SIN3B: variants seen among roughly 807,000 people sequenced by gnomAD.
SIN3B encodes SIN3 transcription regulator family member B.
Under a neutral mutation model 120.2 loss-of-function variants are expected in SIN3B, and 19 were observed. That is an observed-to-expected ratio of 0.16 (90% CI 0.11 to 0.23). SIN3B has a LOEUF of 0.23. Ranked by LOEUF, SIN3B falls within the 10% of genes least tolerant of loss-of-function variation. The pLI, the probability that SIN3B is intolerant of heterozygous loss-of-function variation, is 1.00. For missense variants in SIN3B, 1,073 were observed against 1,573.0 expected, an observed-to-expected ratio of 0.68 and a Z score of 5.38; for synonymous variants, 654 against 653.2, an observed-to-expected ratio of 1.00 and a Z score of -0.02.
chr19:16,875,782 G>T (rs1251009284), intron 14 of SIN3B: 4 of 494,584 alleles, frequency 8.1e-6, no homozygotes, highest in Non-Finnish European at 1.4e-5. Context: ...GTTTGGTCTG[G>T]TCTGGTCTGG....
intron 14 of SIN3B, among the ~76,000 whole-genome samples, chr19:16,872,900 G>A (rs965616660): frequency 2.0e-5 from 3 of 152,098 alleles, no homozygotes; most frequent in South Asian, 2.1e-4. Flanking sequence ...CCCCGATTCC[G>A]TCCACCTGTC....
chr19:16,853,048 G>A, intron 6 of SIN3B, 21 bp from the exon 7 acceptor site: 2 of 1,608,044 alleles, frequency 1.2e-6, no homozygotes, highest in Non-Finnish European at 1.7e-6. Flanking sequence ...AGTGTTAACT[G>A]CATAGAATTT....
In SIN3B at chr19:16,878,853, C is replaced by T. The variant is rs143946560; in HGVS notation, c.*126C>T. The T allele has an allele frequency of 4.9e-4, 435 of 893,056 alleles. 1 individual carries two copies. The African/African-American group carries it at 6.5e-3, about 13-fold the overall frequency. 55.3% of individuals were successfully genotyped at this position (893,056 alleles called of 1,614,324 possible). On this transcript the variant is annotated 3_prime_UTR_variant, in exon 19 of 19. Coordinates refer to ENST00000248054, the MANE Select transcript of SIN3B (RefSeq NM_001297595.2). ...TCCCAGCCCCTCTGCTGCCGGACAG[C>T]GCACTCCAGGGCAGGACGCCGCCCC...
chr19:16,876,339 G>T lies in SIN3B; in HGVS notation c.2766+111G>T. 1 of 1,414,004 alleles carries T rather than the reference G, an allele frequency of 7.1e-7. No homozygotes were observed. The highest frequency in any genetic ancestry group is 9.6e-7 in the Non-Finnish European group (1 of 1,038,382). 87.6% of individuals were successfully genotyped at this position (1,414,004 alleles called of 1,614,324 possible). ...CAGCGGCTGGGACACCGGCCCTGCTGCAGAGCCCATGAGGTACCTTTGACC... is the reference window on the plus strand; with the variant it reads ...CAGCGGCTGGGACACCGGCCCTGCTTCAGAGCCCATGAGGTACCTTTGACC... On this transcript the variant is annotated intron_variant, in intron 15 of 18. Coordinates refer to ENST00000248054, the MANE Select transcript of SIN3B (RefSeq NM_001297595.2). The surrounding 1 kb of genome is among the most constrained non-coding windows in gnomAD (Gnocchi z 7.1).
In SIN3B at chr19:16,876,264, G is replaced by A. The variant is rs775694080; in HGVS notation, c.2766+36G>A. 16 of 1,587,292 alleles carry A rather than the reference G, an allele frequency of 1.0e-5. No individual in the cohort carries two copies. Among genetic ancestry groups the A allele is most frequent in the Non-Finnish European group, 1.3e-5 (15 of 1,164,304 alleles). On this transcript the variant is annotated intron_variant, in intron 15 of 18. Coordinates refer to ENST00000248054, the MANE Select transcript of SIN3B (RefSeq NM_001297595.2). This position sits in a 1 kb window ranked among gnomAD's most constrained non-coding sequence, Gnocchi z 7.1. ...GCCTGGGGCTGGGAACACGCCGGGA[G>A]GCCCGGCCGCTCACTCCGCTCTGGA...
chr19:16,851,516 C>G lies in SIN3B; in HGVS notation c.831C>G (p.Pro277=), dbSNP rs538643474. 4.9e-5 allele frequency: 79 copies of G among 1,602,852 alleles called. 1 individual carries two copies. The South Asian group carries it at 8.4e-4, about 17-fold the overall frequency. Residue 277 remains proline (P), a synonymous_variant, in exon 6 of 19, where the codon CCC becomes CCG. Transcript: ENST00000248054. The part of the protein sequence containing the change: ...RKRSRPSLLR[P]VSAPAKKKMK... The stretch of plus-strand genomic sequence containing the variant: ...GCTCCCGGCCCTCGCTCCTCCGCCC[C>G]GTGTCTGCACCCGCCAAGGTACCTG...
chr19:16,853,084 C>T lies in SIN3B; in HGVS notation c.865C>T (p.Arg289Cys), dbSNP rs551562375. 1.2e-5 allele frequency: 20 copies of T among 1,614,010 alleles called. No individual in the cohort carries two copies. Among genetic ancestry groups the T allele is most frequent in the Non-Finnish European group, 1.1e-5 (13 of 1,179,976 alleles). ...SAPAKKKMKL[R>C]GTKDLSIAAV... ...CTCCCCACAGAAAAAAATGAAACTT[C>T]GTGGTACCAAAGACCTGTCCATCGC... is the stretch of plus-strand genomic sequence containing the variant. Residue 289 changes from arginine to cysteine, a missense_variant, in exon 7 of 19, where the codon CGT (arginine) becomes TGT (cysteine). By Grantham distance (180) the Arg-to-Cys change is radical. Around this residue, in one of 7 missense-constraint regions of SIN3B, gnomAD observed 395 missense variants for 528.0 expected, o/e 0.75. Transcript: ENST00000248054.
intron 4 of SIN3B, among the ~76,000 whole-genome samples, chr19:16,843,341 A>G (rs1889711749): frequency 6.6e-6 from 1 of 152,266 alleles, no homozygotes; most frequent in Admixed American, 6.5e-5. Flanking sequence ...TCTTTTCAGC[A>G]TAAGCGTTTC....
chr19:16,866,267 G>C, intron 11 of SIN3B, 106 bp from the exon 12 acceptor site: 1 of 1,166,994 alleles, frequency 8.6e-7, no homozygotes, highest in Non-Finnish European at 1.2e-6. Flanking sequence ...CTGGGCCTGG[G>C]TCCTGGACCC....
chr19:16,860,872 C>T (rs903158937), intron 8 of SIN3B, among the ~76,000 whole-genome samples: 2 of 152,064 alleles, frequency 1.3e-5, no homozygotes, highest in African/African-American at 4.8e-5. Flanking sequence ...GGATTACAAG[C>T]ATGAGCCACT....
At position 16,876,545 on chromosome 19, in the gene SIN3B, G is replaced by C; in HGVS notation, c.2826G>C (p.Glu942Asp). 1.9e-6 allele frequency: 3 copies of C among 1,613,510 alleles called. No homozygotes were observed. Among genetic ancestry groups the C allele is most frequent in the Non-Finnish European group, 2.5e-6 (3 of 1,179,922 alleles). ...VIMTIELLDT[E>D]EAQTEDPVEV... ...TGACCATCGAGCTCCTGGACACCGA[G>C]GAGGCCCAGACGGAGGACCCTGTGG... Residue 942 changes from glutamate to aspartate, a missense_variant, in exon 16 of 19, where the codon GAG becomes GAC. By Grantham distance (45) the Glu-to-Asp change is conservative. Transcript: ENST00000248054. The surrounding 1 kb of genome is among the most constrained non-coding windows in gnomAD (Gnocchi z 7.1).
rs185595440 is a variant in SIN3B at position 16,832,757 on chromosome 19, G to A, written c.381+1110G>A. Among the ~76,000 whole-genome samples, 7 of 152,100 alleles carry A rather than the reference G, an allele frequency of 4.6e-5. No homozygotes were observed. The East Asian group carries it at 1.4e-3, about 29-fold the overall frequency. ...GGCCTCAAGCGATGTGCCCACCTTG[G>A]CCTCCCACAGTGCTGGGATTACAGG... On this transcript the variant is annotated intron_variant, in intron 3 of 18. Coordinates refer to ENST00000248054, the MANE Select transcript of SIN3B (RefSeq NM_001297595.2).
rs76375777 is a variant in SIN3B at position 16,834,097 on chromosome 19, G to T, written c.381+2450G>T. Among the ~76,000 whole-genome samples, 626 of 152,226 alleles carry T rather than the reference G, an allele frequency of 4.1e-3. 3 individuals carry two copies. Among genetic ancestry groups the T allele is most frequent in the African/African-American group, 0.014 (563 of 41,538 alleles). The stretch of plus-strand genomic sequence containing the variant: ...CTGAAGAGCCTTCCATTTCCTGTTT[G>T]CAAATGAAGCCCCAGGATCCAGATG... On this transcript the variant is annotated intron_variant, in intron 3 of 18. Coordinates refer to ENST00000248054, the MANE Select transcript of SIN3B (RefSeq NM_001297595.2).
At chr19:16,860,941 G>T (rs1042755719) in intron 8 of SIN3B, among the ~76,000 whole-genome samples, 1 of 151,820 alleles carries the variant, frequency 6.6e-6, no homozygotes, top group Admixed American at 6.6e-5. Flanking sequence ...TTAGAGACGG[G>T]GTCCTGCTCT....
chr19:16,865,957 T>C (rs1971766026), intron 11 of SIN3B, among the ~76,000 whole-genome samples: 1 of 152,244 alleles, frequency 6.6e-6, no homozygotes, highest in Admixed American at 6.5e-5. Flanking sequence ...TTTTATTTAA[T>C]GCTGCATTTC....
chr19:16,833,536 G>A (rs914021653), intron 3 of SIN3B, among the ~76,000 whole-genome samples: 1 of 151,652 alleles, frequency 6.6e-6, no homozygotes, highest in African/African-American at 2.4e-5. Flanking sequence ...GGAGGCTGAG[G>A]CATGAGAATT....
chr19:16,839,100 T>C (rs1243887553), intron 3 of SIN3B, among the ~76,000 whole-genome samples: 1 of 150,626 alleles, frequency 6.6e-6, no homozygotes, highest in Non-Finnish European at 1.5e-5. Flanking sequence ...CCCAAGTAGC[T>C]GGGTCTATAG....
At position 16,851,561 on chromosome 19, in the gene SIN3B, C is replaced by A. The variant is rs368406735; in HGVS notation, c.849+27C>A. 4 of 1,558,068 alleles carry A rather than the reference C, an allele frequency of 2.6e-6. No individual in the cohort carries two copies. In the African/African-American group the frequency reaches 5.5e-5, roughly 21 times the overall value. On this transcript the variant is annotated intron_variant, in intron 6 of 18. Coordinates refer to ENST00000248054, the MANE Select transcript of SIN3B (RefSeq NM_001297595.2). ...TACCTGTGAGCCACATGCAGCCATG[C>A]CTGCACGCGGGGCCCCCAGCAAATC...
chr19:16,869,879 A>AT lies in SIN3B; in HGVS notation c.2232dup (p.Ala745CysfsTer45). On this transcript the variant is annotated frameshift_variant, in exon 13 of 19. Transcript: ENST00000248054. LOFTEE classifies it high-confidence loss of function. Reference sequence around the variant, plus strand: ...AGCCCCTGGACGATGTCTACAGCCTATTTTTTGCCAACAACAACTGGTACT... The same window carrying AT: ...AGCCCCTGGACGATGTCTACAGCCTATTTTTTTGCCAACAACAACTGGTACT... 1 of 1,614,124 alleles carries AT rather than the reference A, an allele frequency of 6.2e-7. No individual in the cohort carries two copies.
Sources: gnomAD v4.1 joint callset for allele counts (sites outside exome capture counted in the v4.1 genomes callset) on GRCh38, gnomAD v4.1.1 for gene constraint, gnomAD v4.1.1 regional missense constraint, Gnocchi (gnomAD v3.1) non-coding constraint, MANE v1.5 for transcripts, NCBI Gene and HGNC (gene_info 2026-07-23, HGNC 2026-07-21) for gene names.